MYT1: variants seen among roughly 807,000 people sequenced by gnomAD.
The protein encoded by MYT1 is myelin transcription factor 1, also known as myelin transcription factor I.
MYT1 carries 23 observed loss-of-function variants against 123.0 expected under a neutral mutation model. That is an observed-to-expected ratio of 0.19 (90% CI 0.13 to 0.26). The LOEUF (loss-of-function observed/expected upper bound fraction) is 0.26. Among genes scored for constraint, MYT1 ranks in the 10% least tolerant of loss-of-function variants. The pLI is 1.00. For synonymous variants in MYT1, 518 were observed against 575.3 expected (o/e 0.90, Z 1.43); for missense variants, 1,125 against 1,472.5 (o/e 0.76, Z 3.86).
intron 10 of MYT1, among the ~76,000 whole-genome samples, chr20:64,215,255 C>G (rs545597549): frequency 6.6e-6 from 1 of 152,304 alleles, no homozygotes; most frequent in South Asian, 2.1e-4. Context: ...ACTTTGGAGA[C>G]TGCACTCCCT....
intron 21 of MYT1, among the ~76,000 whole-genome samples, chr20:64,239,532 C>T (rs948529175): frequency 7.9e-5 from 12 of 152,108 alleles, no homozygotes; most frequent in African/African-American, 2.9e-4. Flanking sequence ...GAGCCCCCTT[C>T]CTGGCTTCCC....
chr20:64,232,100 G>A lies in MYT1; in HGVS notation c.2676-64G>A. 1 of 1,539,090 alleles carries A rather than the reference G, an allele frequency of 6.5e-7. No individual in the cohort carries two copies. The highest frequency in any genetic ancestry group is 1.4e-5 in the African/African-American group (1 of 73,444). On this transcript the variant is annotated intron_variant, in intron 18 of 22. Transcript: ENST00000328439. This position sits in a 1 kb window ranked among gnomAD's most constrained non-coding sequence, Gnocchi z 6.9. ...GGCTCCCCTTGTGTCTGGCTTGAGA[G>A]AGTCTCCAGGCTTCTCCTCCCAACC...
chr20:64,240,325 A>G lies in MYT1; in HGVS notation c.3243A>G (p.Pro1081=), dbSNP rs1984678865. 3.1e-6 allele frequency: 5 copies of G among 1,613,818 alleles called. No homozygotes were observed. The highest frequency in any genetic ancestry group is 3.4e-6 in the Non-Finnish European group (4 of 1,179,928). The change falls in exon 23 of 23, where the codon CCA becomes CCG. Residue 1081 remains proline, a synonymous_variant. Coordinates refer to ENST00000328439, the MANE Select transcript of MYT1 (RefSeq NM_004535.3). Reference sequence around the variant, plus strand: ...AACCTGGTTCTGTTCTCTAGGAGCCAATATGCGAACAGAATTTCGATGCCT... The same window carrying G: ...AACCTGGTTCTGTTCTCTAGGAGCCGATATGCGAACAGAATTTCGATGCCT... The part of the protein sequence containing the change: ...LANIRLPHME[P]ICEQNFDAYV...
rs1982031719 is a variant in MYT1, at chr20:64,164,692, T to A, written c.-146T>A. 6.6e-6 allele frequency: 1 copy of A among 152,018 alleles called. No homozygotes were observed. 9.4% of individuals were successfully genotyped at this position (152,018 alleles called of 1,614,324 possible). A position where few individuals can be genotyped will look rare whatever the true frequency, so the allele number is the denominator to read the frequency against. ...CCCCCATGTAAATTTCATGATTGCT[T>A]TCCGTGATGTCATTTTGAAAGAGGA... On this transcript the variant is annotated 5_prime_UTR_variant, in exon 1 of 23. Transcript: ENST00000328439.
In MYT1 at chr20:64,166,636, C is replaced by G. The variant is rs1348065501; in HGVS notation, c.-99+1897C>G. On this transcript the variant is annotated intron_variant, in intron 1 of 22. Transcript: ENST00000328439. This position sits in a 1 kb window ranked among gnomAD's most constrained non-coding sequence, Gnocchi z 4.9. ...CCATTGCCCACAGATCTGGAGGTAGCCTCAGTTGTTCAGAGCTAATGCTCT... is the reference window on the plus strand; with the variant it reads ...CCATTGCCCACAGATCTGGAGGTAGGCTCAGTTGTTCAGAGCTAATGCTCT... 6.6e-6 allele frequency among the ~76,000 whole-genome samples: 1 copy of G among 152,148 alleles called. No individual in the cohort carries two copies. Among genetic ancestry groups the G allele is most frequent in the Non-Finnish European group, 1.5e-5 (1 of 68,006 alleles).
chr20:64,239,968 G>GGCA (rs1568724588), intron 22 of MYT1, 65 bp downstream of exon 22: 2 of 1,583,362 alleles, frequency 1.3e-6, no homozygotes, highest in African/African-American at 2.7e-5. Flanking sequence ...AAAGCAGGAG[G>GGCA]GCAGGGCATC....
chr20:64,194,701 A>G (rs190067005), intron 2 of MYT1, among the ~76,000 whole-genome samples: 1 of 152,288 alleles, frequency 6.6e-6, no homozygotes, highest in Admixed American at 6.5e-5. Context: ...GTGAGGAGAA[A>G]TGGGTAACCC....
In MYT1 at chr20:64,198,914, G is replaced by A. The variant is rs1452877732; in HGVS notation, c.53G>A (p.Arg18Gln). 59 of 1,613,910 alleles carry A rather than the reference G, an allele frequency of 3.7e-5. No individual in the cohort carries two copies. Among genetic ancestry groups the A allele is most frequent in the Non-Finnish European group, 4.7e-5 (55 of 1,179,922 alleles). Reference sequence around the variant, plus strand: ...GCTCGCACCCGATCCAAGGCCCTGCGAGGTGAGTGCCGCCCTCCCCTCCTC... The same window carrying A: ...GCTCGCACCCGATCCAAGGCCCTGCAAGGTGAGTGCCGCCCTCCCCTCCTC... The part of the protein sequence containing the change: ...KRARTRSKAL[R>Q]GPPETTAADL... Residue 18 changes from arginine to glutamine, a missense_variant and splice_region_variant, in exon 3 of 23, where the codon CGA becomes CAA. By Grantham distance (43) the Arg-to-Gln change is conservative. Around this residue, in one of 4 missense-constraint regions of MYT1, gnomAD observed 406 missense variants for 432.2 expected, o/e 0.94. Coordinates refer to ENST00000328439, the MANE Select transcript of MYT1 (RefSeq NM_004535.3).
intron 21 of MYT1, 85 bp from the exon 22 acceptor site, chr20:64,239,675 A>T (rs1984654453): frequency 3.2e-6 from 5 of 1,573,704 alleles, no homozygotes; most frequent in Non-Finnish European, 3.5e-6. Flanking sequence ...ATTCTCCCAG[A>T]GGGTTGTGAG....
chr20:64,234,688 G>A (rs376803320), intron 19 of MYT1, among the ~76,000 whole-genome samples: 1 of 149,810 alleles, frequency 6.7e-6, no homozygotes, highest in African/African-American at 2.5e-5. Context: ...ATGTGACCCT[G>A]GGCTGGCCGT....
intron 21 of MYT1, 95 bp downstream of exon 21, chr20:64,237,485 G>A: frequency 1.0e-6 from 1 of 964,760 alleles, no homozygotes; most frequent in Non-Finnish European, 1.6e-6. Context: ...ACTCATCAAG[G>A]TTGCTGTCAG....
chr20:64,234,564 CT>C (rs1984437846), intron 19 of MYT1, among the ~76,000 whole-genome samples: 1 of 152,194 alleles, frequency 6.6e-6, no homozygotes, highest in African/African-American at 2.4e-5. Context: ...TGGAACATGC[CT>C]TCTGTTAACC....
Position 64,219,858 on chromosome 20 carries a change from G to A in MYT1, c.2117G>A (p.Ser706Asn), listed in dbSNP as rs1168773944. The change falls in exon 13 of 23, where the codon AGC becomes AAC. Residue 706 changes from serine (S) to asparagine (N), a missense_variant. Physicochemically the swap from Ser to Asn is conservative, Grantham distance 46 (BLOSUM62 1). This residue lies in a region of MYT1 where 429 missense variants were observed against 604.1 expected (regional missense o/e 0.71). Coordinates refer to ENST00000328439, the MANE Select transcript of MYT1 (RefSeq NM_004535.3). ...CCCGACGCCTCCCAGCGCCACAGCA[G>A]CACCAGCGCCCCCAGCAGCTCCATG... ...KSPDASQRHSSTSAPSSSMTS... is the reference protein window; with the variant it reads ...KSPDASQRHSNTSAPSSSMTS... 6.2e-7 allele frequency: 1 copy of A among 1,603,590 alleles called. No homozygotes were observed. The highest frequency in any genetic ancestry group is 1.1e-5 in the South Asian group (1 of 89,694).
intron 1 of MYT1, among the ~76,000 whole-genome samples, chr20:64,169,289 G>A (rs1219846022): frequency 6.6e-6 from 1 of 152,222 alleles, no homozygotes; most frequent in Non-Finnish European, 1.5e-5. Flanking sequence ...GCAGGTGCCT[G>A]GGGTGGCCTC....
At chr20:64,198,801 C>T in intron 2 of MYT1, 61 bp from the exon 3 acceptor site, 1 of 1,574,506 alleles carries the variant, frequency 6.4e-7, no homozygotes. Flanking sequence ...TTCCTGATGG[C>T]TCTGTACTCC....
chr20:64,224,952 G>C (rs1984125504), intron 16 of MYT1, among the ~76,000 whole-genome samples: 1 of 152,186 alleles, frequency 6.6e-6, no homozygotes, highest in African/African-American at 2.4e-5. Context: ...GGGAGAGTTA[G>C]TGCTTTTTTA....
At position 64,219,721 on chromosome 20, in the gene MYT1, T is replaced by C; in HGVS notation, c.1980T>C (p.Asp660=). The change falls in exon 13 of 23, where the codon GAT becomes GAC. Residue 660 remains aspartate (D), a synonymous_variant. Coordinates refer to ENST00000328439, the MANE Select transcript of MYT1 (RefSeq NM_004535.3). ...CACCTTTGCCATTGCAGTCTGTGGA[T>C]ATCGAGGTAGACGAAAATGGAACCC... ...KPQDLPSKSV[D]IEVDENGTLD... is the part of the protein sequence containing the mutation. 6.2e-7 allele frequency: 1 copy of C among 1,611,302 alleles called. No individual in the cohort carries two copies. Among genetic ancestry groups the C allele is most frequent in the Non-Finnish European group, 8.5e-7 (1 of 1,178,008 alleles).
chr20:64,223,770 G>A (rs1344905096), intron 16 of MYT1, among the ~76,000 whole-genome samples: 1 of 152,176 alleles, frequency 6.6e-6, no homozygotes, highest in Non-Finnish European at 1.5e-5. Flanking sequence ...GCCACAGGCT[G>A]TGCGGCTCTT....
At chr20:64,233,225 T>TCCTCCCC (rs1984382802) in intron 19 of MYT1, among the ~76,000 whole-genome samples, 1 of 67,386 alleles carries the variant, frequency 1.5e-5, no homozygotes, top group Non-Finnish European at 2.8e-5. Context: ...CCCCCTTTCC[T>TCCTCCCC]TCTTTCCCCT....
Sources: allele counts gnomAD v4.1 joint callset (sites outside exome capture counted in the v4.1 genomes callset), GRCh38; gene constraint gnomAD v4.1.1; regional missense constraint gnomAD v4.1.1; non-coding constraint Gnocchi (gnomAD v3.1); transcripts MANE v1.5; gene names NCBI Gene and HGNC (gene_info 2026-07-23, HGNC 2026-07-21).